ELMOD3: variants seen among roughly 807,000 people sequenced by gnomAD.
The protein encoded by ELMOD3 is ELMO domain-containing protein 3.
Under a neutral mutation model 47.4 loss-of-function variants are expected in ELMOD3, and 36 were observed. The ratio of observed to expected loss-of-function variants is 0.76; its 90% CI spans 0.58 to 1.00. The LOEUF (loss-of-function observed/expected upper bound fraction) is 1.00. ELMOD3 is among the 50% of genes least tolerant of loss of function. The pLI, the probability that ELMOD3 is intolerant of heterozygous loss-of-function variation, is 0.00. For synonymous variants in ELMOD3, 149 were observed against 183.5 expected (o/e 0.81, Z 1.52); for missense variants, 404 against 463.8 (o/e 0.87, Z 1.18).
chr2:85,384,510 CCT>C (rs1259827449), intron 11 of ELMOD3, among the ~76,000 whole-genome samples: 1 of 152,102 alleles, frequency 6.6e-6, no homozygotes, highest in East Asian at 1.9e-4. Flanking sequence ...TTCAGTAGCT[CCT>C]CTGTCTCTGT....
At position 85,387,594 on chromosome 2, in the gene ELMOD3, A is replaced by G. The variant is rs143826104; in HGVS notation, c.739-2157A>G. On this transcript the variant is annotated intron_variant, in intron 11 of 13. Coordinates refer to ENST00000409013, the MANE Select transcript of ELMOD3 (RefSeq NM_001135022.2). ...GGAAAATCCCTTGAACCCAGGAGAC[A>G]GAGGTTGCAGTGAACCGAGATCACG... Among the ~76,000 whole-genome samples, 573 of 150,106 alleles carry G rather than the reference A, an allele frequency of 3.8e-3. 21 individuals are homozygous for G. The East Asian group carries it at 0.059, about 15-fold the overall frequency.
chr2:85,386,045 T>A (rs571663721), intron 11 of ELMOD3, among the ~76,000 whole-genome samples: 1 of 152,162 alleles, frequency 6.6e-6, no homozygotes, highest in Non-Finnish European at 1.5e-5. Flanking sequence ...AAAAGTCACA[T>A]AGCAGTGGGA....
At chr2:85,366,648 T>TAAGA (rs1290418878) in intron 6 of ELMOD3, among the ~76,000 whole-genome samples, 2 of 152,252 alleles carry the variant, frequency 1.3e-5, no homozygotes, top group Admixed American at 1.3e-4. Flanking sequence ...ATACAGCTAG[T>TAAGA]AAGAGGCAGA....
chr2:85,382,469 G>A (rs1043764705), intron 11 of ELMOD3, among the ~76,000 whole-genome samples: 15 of 151,258 alleles, frequency 9.9e-5, no homozygotes, highest in African/African-American at 3.6e-4. Context: ...GCAGGACACG[G>A]TGTTCCTTTT....
intron 11 of ELMOD3, among the ~76,000 whole-genome samples, chr2:85,387,611 G>A (rs1244490055): frequency 4.1e-5 from 6 of 145,130 alleles, no homozygotes; most frequent in Non-Finnish European, 7.4e-5. Flanking sequence ...GCAGTGAACC[G>A]AGATCACGCC....
chr2:85,371,408 C>A, intron 9 of ELMOD3, 32 bp from the exon 10 acceptor site: 1 of 1,613,300 alleles, frequency 6.2e-7, no homozygotes, highest in Non-Finnish European at 8.5e-7. Flanking sequence ...GAGGGGCAAT[C>A]TGGCAGAGAG....
At position 85,390,414 on chromosome 2, in the gene ELMOD3, C is replaced by G. The variant is rs756361079; in HGVS notation, c.943+149C>G. 29 of 1,614,072 alleles carry G rather than the reference C, an allele frequency of 1.8e-5. No individual in the cohort carries two copies. Among genetic ancestry groups the G allele is most frequent in the Non-Finnish European group, 5.1e-6 (6 of 1,180,052 alleles). On this transcript the variant is annotated intron_variant, in intron 13 of 13. Transcript: ENST00000409013. ...AGCTTACCAAAATCTCCATCACCCACCCCCTGGAGTCTGCTAGTTCTCCTT... is the reference window on the plus strand; with the variant it reads ...AGCTTACCAAAATCTCCATCACCCAGCCCCTGGAGTCTGCTAGTTCTCCTT...
chr2:85,390,545 CAA>C, intron 13 of ELMOD3: 1 of 1,572,630 alleles, frequency 6.4e-7, no homozygotes, highest in South Asian at 1.2e-5. Context: ...TTCAAAGTTG[CAA>C]TTGTGCAGAC....
At chr2:85,371,258 C>A (rs1305615006) in intron 9 of ELMOD3, 49 bp downstream of exon 9, 2 of 1,613,996 alleles carry the variant, frequency 1.2e-6, no homozygotes, top group Non-Finnish European at 1.7e-6. Context: ...TGTGGTTGGG[C>A]AAGACCGTGT....
At chr2:85,383,923 A>G (rs555827528) in intron 11 of ELMOD3, among the ~76,000 whole-genome samples, 1 of 152,222 alleles carries the variant, frequency 6.6e-6, no homozygotes, top group African/African-American at 2.4e-5. Context: ...GCCTAAGTTC[A>G]TCAGAGCACA....
At position 85,369,753 on chromosome 2, in the gene ELMOD3, T is replaced by C; in HGVS notation, c.283T>C (p.Ser95Pro). 6.2e-7 allele frequency: 1 copy of C among 1,614,002 alleles called. No individual in the cohort carries two copies. The highest frequency in any genetic ancestry group is 1.1e-5 in the South Asian group (1 of 91,068). The change falls in exon 8 of 14, where the codon TCA becomes CCA. Residue 95 changes from serine to proline, a missense_variant. Physicochemically the swap from Ser to Pro is moderately conservative, Grantham distance 74. Coordinates refer to ENST00000409013, the MANE Select transcript of ELMOD3 (RefSeq NM_001135022.2). ...IQPETGSQAS[S>P]EQPGQLISFS... ...TTTTGCCACAGGGAGCCAAGCTAGCTCAGAGCAGCCTGGGCAGCTAATCTC... is the reference window on the plus strand; with the variant it reads ...TTTTGCCACAGGGAGCCAAGCTAGCCCAGAGCAGCCTGGGCAGCTAATCTC...
intron 11 of ELMOD3, among the ~76,000 whole-genome samples, chr2:85,382,160 C>A: frequency 7.2e-6 from 1 of 139,150 alleles, no homozygotes; most frequent in Non-Finnish European, 1.5e-5. Flanking sequence ...GGACATAGGG[C>A]TGGGTGCAGC....
In ELMOD3 at chr2:85,390,264, A is replaced by C; in HGVS notation, c.942A>C (p.Lys314Asn). Residue 314 changes from lysine to asparagine, a missense_variant and splice_region_variant, in exon 13 of 14, where the codon AAA becomes AAC. Physicochemically the swap from Lys to Asn is moderately conservative, Grantham distance 94. Transcript: ENST00000409013. ...TCTCAGACTCGGGCTTTGTCCTCAA[A>C]GGTGTGCTCTTTCTTCTGGGGAGGC... ...KTISDSGFVL[K>N]ELEVLAKKSP... The C allele has an allele frequency of 6.2e-7, 1 of 1,614,166 alleles. No individual in the cohort carries two copies. The highest frequency in any genetic ancestry group is 1.1e-5 in the South Asian group (1 of 91,086).
chr2:85,364,379 T>G (rs1684200876), intron 6 of ELMOD3, among the ~76,000 whole-genome samples: 2 of 150,868 alleles, frequency 1.3e-5, no homozygotes, highest in Admixed American at 1.3e-4. Flanking sequence ...AGGTCAGGAG[T>G]TCAAGACCAG....
In ELMOD3 at chr2:85,362,476, A is replaced by G. The variant is rs1684055335; in HGVS notation, c.129+216A>G. On this transcript the variant is annotated intron_variant, in intron 5 of 13. Transcript: ENST00000409013. ...GATAATTGCCATAATGAAGCAGGCT[A>G]TAAAACGCAGAGAGAATACCAAAGG... Among the ~76,000 whole-genome samples the G allele has an allele frequency of 2.0e-5, 3 of 146,844 alleles. No individual in the cohort carries two copies. The South Asian group carries it at 6.7e-4, about 33-fold the overall frequency.
At chr2:85,380,207 G>T (rs755060241) in intron 11 of ELMOD3, among the ~76,000 whole-genome samples, 1 of 152,126 alleles carries the variant, frequency 6.6e-6, no homozygotes, top group Non-Finnish European at 1.5e-5. Flanking sequence ...CCAAATTCTG[G>T]AGAACTCAGG....
In ELMOD3 at chr2:85,390,828, G is replaced by T. The variant is rs768481389; in HGVS notation, c.1012G>T (p.Val338Leu). 2 of 1,551,638 alleles carry T rather than the reference G, an allele frequency of 1.3e-6. No homozygotes were observed. The highest frequency in any genetic ancestry group is 2.4e-5 in the South Asian group (2 of 84,066). ...LKTLELYLAR[V>L]SKGQASLLGA... Reference sequence around the variant, plus strand: ...GACCCTGGAGCTGTACTTGGCCAGGGTGTCAAAGGGACAGGCCTCCTTGTT... The same window carrying T: ...GACCCTGGAGCTGTACTTGGCCAGGTTGTCAAAGGGACAGGCCTCCTTGTT... Residue 338 changes from valine (V) to leucine (L), a missense_variant, in exon 14 of 14, where the codon GTG becomes TTG. Transcript: ENST00000409013.
chr2:85,362,028 T>C (rs1172783469), intron 4 of ELMOD3, among the ~76,000 whole-genome samples, 158 bp from the exon 5 acceptor site: 1 of 151,592 alleles, frequency 6.6e-6, no homozygotes, highest in Non-Finnish European at 1.5e-5. Flanking sequence ...TGAAATAACA[T>C]GTACAACAAA....
chr2:85,384,750 T>G (rs1238819498), intron 11 of ELMOD3, among the ~76,000 whole-genome samples: 1 of 152,150 alleles, frequency 6.6e-6, no homozygotes, highest in South Asian at 2.1e-4. Context: ...CAGCTAATTT[T>G]ATTTTTTTAA....
Sources: allele counts gnomAD v4.1 joint callset (sites outside exome capture counted in the v4.1 genomes callset), GRCh38; gene constraint gnomAD v4.1.1; transcripts MANE v1.5; gene names NCBI Gene and HGNC (gene_info 2026-07-23, HGNC 2026-07-21).